The following ZFHX3 variants were observed in gnomAD, a reference collection of about 807,000 sequenced individuals.
ZFHX3 encodes zinc finger homeobox 3, also known as zinc finger homeobox protein 3.
In ZFHX3, 42 loss-of-function variants were observed where a neutral mutation model predicts 279.1. The observed-to-expected ratio is 0.15, with a 90% CI of 0.12 to 0.19. The LOEUF (loss-of-function observed/expected upper bound fraction) is 0.19. Ranked by LOEUF, ZFHX3 falls within the 10% of genes least tolerant of loss-of-function variation. The pLI is 1.00. For missense variants in ZFHX3, 4,981 were observed against 4,754.0 expected, an observed-to-expected ratio of 1.05 and a Z score of -1.40; for synonymous variants, 2,293 against 1,957.8, an observed-to-expected ratio of 1.17 and a Z score of -4.52.
At chr16:73,535,868 G>T (rs370502845) in intron 2 of ZFHX3, among the ~76,000 whole-genome samples, 2 of 151,636 alleles carry the variant, frequency 1.3e-5, no homozygotes, top group Admixed American at 6.6e-5. Context: ...GACTACAGGC[G>T]CTCCCCACTA....
chr16:73,332,539 G>C (rs549531712), intron 3 of ZFHX3, among the ~76,000 whole-genome samples: 13 of 152,214 alleles, frequency 8.5e-5, no homozygotes, highest in African/African-American at 3.1e-4. Context: ...CTTTCTTTTT[G>C]CCTCTTTTAA....
chr16:73,860,077 C>A (rs1036946591), intron 1 of ZFHX3, among the ~76,000 whole-genome samples: 1 of 152,150 alleles, frequency 6.6e-6, no homozygotes, highest in Non-Finnish European at 1.5e-5. Flanking sequence ...TGATCATTGC[C>A]GGATGTGAAC....
intron 1 of ZFHX3, among the ~76,000 whole-genome samples, chr16:73,032,486 G>A (rs1421992137): frequency 2.6e-5 from 4 of 152,126 alleles, no homozygotes; most frequent in South Asian, 2.1e-4. Context: ...ATTTCTCAAC[G>A]CCATAGTCAG....
chr16:73,531,114 T>G (rs1328376648), intron 2 of ZFHX3, among the ~76,000 whole-genome samples: 5 of 152,226 alleles, frequency 3.3e-5, no homozygotes. Context: ...TTTTAGAGAT[T>G]CAAGATGTCT....
chr16:73,147,956 C>G (rs965826630), intron 5 of ZFHX3, among the ~76,000 whole-genome samples: 2 of 152,162 alleles, frequency 1.3e-5, no homozygotes, highest in African/African-American at 2.4e-5. Context: ...TATATCTTCT[C>G]TTTGTGAGCA....
At chr16:72,911,270 G>T (rs1336812168) in intron 3 of ZFHX3, among the ~76,000 whole-genome samples, 5 of 152,154 alleles carry the variant, frequency 3.3e-5, no homozygotes, top group Non-Finnish European at 5.9e-5. Context: ...AATTAATGAG[G>T]AAGTTAGCAT....
chr16:73,652,266 G>T (rs1567542969), intron 2 of ZFHX3, among the ~76,000 whole-genome samples: 1 of 152,202 alleles, frequency 6.6e-6, no homozygotes, highest in Non-Finnish European at 1.5e-5. Flanking sequence ...GTACCAAGGA[G>T]AGAACACTTT....
chr16:73,271,958 A>T (rs2014157652), intron 4 of ZFHX3, among the ~76,000 whole-genome samples: 1 of 152,190 alleles, frequency 6.6e-6, no homozygotes, highest in Non-Finnish European at 1.5e-5. Context: ...CAACAATGTC[A>T]TCATCCACAA....
intron 7 of ZFHX3, among the ~76,000 whole-genome samples, chr16:73,106,763 G>C (rs1287666683): frequency 6.6e-6 from 1 of 152,152 alleles, no homozygotes; most frequent in African/African-American, 2.4e-5. Context: ...CAAAACATTT[G>C]TCAACTATCA....
At chr16:73,735,898 T>TGTTTGTTTGTTTG (rs374528261) in intron 1 of ZFHX3, among the ~76,000 whole-genome samples, 1 of 149,662 alleles carries the variant, frequency 6.7e-6, no homozygotes, top group Non-Finnish European at 1.5e-5. Flanking sequence ...TCCGTTTTTT[T>TGTTTGTTTGTTTG]TTTTTTTTTT....
intron 2 of ZFHX3, among the ~76,000 whole-genome samples, chr16:73,661,937 G>T (rs2052789090): frequency 6.7e-6 from 1 of 148,240 alleles, no homozygotes; most frequent in Non-Finnish European, 1.5e-5. Context: ...ATTTTTTCAG[G>T]TTTGCACCTA....
intron 2 of ZFHX3, among the ~76,000 whole-genome samples, chr16:73,543,672 A>T (rs1051234992): frequency 1.3e-5 from 2 of 152,168 alleles, no homozygotes; most frequent in African/African-American, 4.8e-5. Context: ...TCAGGGTCCG[A>T]TATTTCTTTC....
At chr16:73,290,431 C>T (rs2014739343) in intron 4 of ZFHX3, among the ~76,000 whole-genome samples, 1 of 152,148 alleles carries the variant, frequency 6.6e-6, no homozygotes, top group Non-Finnish European at 1.5e-5. Context: ...AGAGCCTGTG[C>T]AAAGGCCCTG....
intron 3 of ZFHX3, among the ~76,000 whole-genome samples, chr16:73,351,183 G>C (rs1482926783): frequency 7.2e-5 from 11 of 152,148 alleles, no homozygotes; most frequent in Admixed American, 7.2e-4. Context: ...AAGCAGATCT[G>C]AGTAATCCAA....
intron 3 of ZFHX3, among the ~76,000 whole-genome samples, chr16:73,336,220 C>G (rs528147056): frequency 1.2e-4 from 18 of 152,310 alleles, no homozygotes; most frequent in African/African-American, 4.1e-4. Flanking sequence ...TGTTAATTAT[C>G]TCATTGAATC....
chr16:73,805,974 AAG>A (rs1960265531), intron 1 of ZFHX3, among the ~76,000 whole-genome samples: 1 of 152,214 alleles, frequency 6.6e-6, no homozygotes. Flanking sequence ...TTGTAAAGAA[AAG>A]AGATTTAATT....
At chr16:73,189,527 C>T (rs917893154) in intron 5 of ZFHX3, among the ~76,000 whole-genome samples, 2 of 152,168 alleles carry the variant, frequency 1.3e-5, no homozygotes, top group Non-Finnish European at 2.9e-5. Flanking sequence ...TCTAAATATG[C>T]CGGCTGCTTA....
chr16:73,692,547 AG>A (rs1597069067), intron 1 of ZFHX3, among the ~76,000 whole-genome samples: 1 of 152,342 alleles, frequency 6.6e-6, no homozygotes, highest in East Asian at 1.9e-4. Flanking sequence ...ACAGTAACAA[AG>A]GTTGCCTCTG....
At chr16:73,431,838 A>G (rs145025038) in intron 3 of ZFHX3, among the ~76,000 whole-genome samples, 168 of 152,264 alleles carry the variant, frequency 1.1e-3, no homozygotes, top group Admixed American at 2.9e-3. Context: ...CCTTCACGGG[A>G]CAAGCTGGGG....
Sources: gnomAD v4.1 joint callset for allele counts (sites outside exome capture counted in the v4.1 genomes callset) on GRCh38, gnomAD v4.1.1 for gene constraint, MANE v1.5 for transcripts, NCBI Gene and HGNC (gene_info 2026-07-23, HGNC 2026-07-21) for gene names.